The following PHF24 variants were observed in gnomAD, a reference collection of about 807,000 sequenced individuals.
PHF24 encodes Galpha inhibitory interacting protein.
In PHF24, 25 loss-of-function variants were observed where a neutral mutation model predicts 42.6. The ratio of observed to expected loss-of-function variants is 0.59; its 90% CI spans 0.43 to 0.82. The LOEUF (loss-of-function observed/expected upper bound fraction) is 0.82. PHF24 is among the 40% of genes least tolerant of loss of function. PHF24 has a pLI of 0.00. For synonymous variants in PHF24, 185 were observed against 204.8 expected, an observed-to-expected ratio of 0.90 and a Z score of 0.83; for missense variants, 470 against 538.1, an observed-to-expected ratio of 0.87 and a Z score of 1.25.
At chr9:34,906,428 T>G in the PHF24 span, among the ~76,000 whole-genome samples, 1 of 152,162 alleles carries the variant, frequency 6.6e-6, no homozygotes, top group Admixed American at 6.6e-5. Flanking sequence ...GTTAAAGGTG[T>G]AAAGTTTTGT....
At chr9:34,671,807 TCATCCATC>T in the PHF24 span, among the ~76,000 whole-genome samples, 5,590 of 149,912 alleles carry the variant, frequency 0.037, 218 homozygotes, top group African/African-American at 0.11. Context: ...TTTTTCTGCC[TCATCCATC>T]CATCCATCCA....
At chr9:34,835,483 C>A in the PHF24 span, 1 of 1,471,880 alleles carries the variant, frequency 6.8e-7, no homozygotes. Flanking sequence ...GCAAGGCCAT[C>A]GGATGCATCC....
the PHF24 span, among the ~76,000 whole-genome samples, chr9:34,816,508 A>T: frequency 6.6e-6 from 1 of 152,184 alleles, no homozygotes; most frequent in Non-Finnish European, 1.5e-5. Flanking sequence ...GAAGCTAGGA[A>T]TTCCAAGATC....
At chr9:34,909,267 C>A in the PHF24 span, among the ~76,000 whole-genome samples, 1 of 152,178 alleles carries the variant, frequency 6.6e-6, no homozygotes, top group Non-Finnish European at 1.5e-5. Context: ...CCTGGCTCTT[C>A]CCTTATCTTA....
the PHF24 span, among the ~76,000 whole-genome samples, chr9:34,858,808 T>C: frequency 1.3e-5 from 2 of 152,258 alleles, no homozygotes; most frequent in Non-Finnish European, 2.9e-5. Context: ...GGATAGTTTC[T>C]ATTTATTTTC....
the PHF24 span, among the ~76,000 whole-genome samples, chr9:34,919,776 T>C: frequency 6.6e-6 from 1 of 151,224 alleles, no homozygotes; most frequent in Non-Finnish European, 1.5e-5. Context: ...TAATTTCTAG[T>C]TCTTACAAAT....
chr9:34,666,885 CT>C, the PHF24 span, among the ~76,000 whole-genome samples: 1 of 152,324 alleles, frequency 6.6e-6, no homozygotes, highest in Middle Eastern at 3.4e-3. Flanking sequence ...GCGGAGGTTG[CT>C]GTGAGCTGAG....
At chr9:34,781,598 A>G in the PHF24 span, among the ~76,000 whole-genome samples, 1 of 152,234 alleles carries the variant, frequency 6.6e-6, no homozygotes, top group Non-Finnish European at 1.5e-5. Flanking sequence ...AAAATGGCAC[A>G]TTTTATGTTA....
At chr9:34,695,022 A>G in the PHF24 span, among the ~76,000 whole-genome samples, 1 of 152,190 alleles carries the variant, frequency 6.6e-6, no homozygotes. Context: ...TTTGTATGCT[A>G]ATGAGATAAC....
the PHF24 span, among the ~76,000 whole-genome samples, chr9:34,809,485 C>T: frequency 6.6e-6 from 1 of 152,176 alleles, no homozygotes. The surrounding 1 kb of genome is among the most constrained non-coding windows in gnomAD (Gnocchi z 4.1). Context: ...ACACGACAGC[C>T]CAGCTTTCCT....
At chr9:34,814,763 G>A in the PHF24 span, among the ~76,000 whole-genome samples, 2 of 152,060 alleles carry the variant, frequency 1.3e-5, no homozygotes, top group Non-Finnish European at 2.9e-5. Flanking sequence ...GTTTTTTGAC[G>A]GAGTCCCACT....
chr9:34,767,492 G>A, the PHF24 span, among the ~76,000 whole-genome samples: 2 of 152,240 alleles, frequency 1.3e-5, no homozygotes, highest in African/African-American at 4.8e-5. Context: ...CTCCGTGCGC[G>A]TAGGACCCTC....
the PHF24 span, among the ~76,000 whole-genome samples, chr9:34,945,458 A>G: frequency 6.6e-6 from 1 of 152,212 alleles, no homozygotes; most frequent in South Asian, 2.1e-4. Context: ...TGAGACAGAA[A>G]GAAAGAAGGT....
the PHF24 span, among the ~76,000 whole-genome samples, chr9:34,814,963 A>C: frequency 9.9e-5 from 15 of 152,050 alleles, no homozygotes; most frequent in African/African-American, 3.6e-4. Context: ...CTAGTCTCGA[A>C]CTCCCGACCT....
the PHF24 span, among the ~76,000 whole-genome samples, chr9:34,839,095 G>A: frequency 6.6e-6 from 1 of 152,214 alleles, no homozygotes; most frequent in Admixed American, 6.5e-5. Context: ...TATCCAGTCT[G>A]TGTGGCCTCA....
the PHF24 span, chr9:34,833,961 G>GC: frequency 6.5e-7 from 1 of 1,544,380 alleles, no homozygotes; most frequent in Non-Finnish European, 8.8e-7. Context: ...AAGGCCAGAT[G>GC]CTTGTGCCGT....
At chr9:34,670,070 A>G in the PHF24 span, among the ~76,000 whole-genome samples, 1 of 152,202 alleles carries the variant, frequency 6.6e-6, no homozygotes, top group Non-Finnish European at 1.5e-5. Flanking sequence ...TGATGAACAC[A>G]TTGATGTCCC....
chr9:34,938,258 A>T, the PHF24 span, among the ~76,000 whole-genome samples: 2 of 152,234 alleles, frequency 1.3e-5, no homozygotes, highest in East Asian at 3.8e-4. Flanking sequence ...AGTGAGGGGA[A>T]GTTCAGCAAA....
At chr9:34,873,394 A>G in the PHF24 span, among the ~76,000 whole-genome samples, 1 of 152,134 alleles carries the variant, frequency 6.6e-6, no homozygotes, top group Admixed American at 6.5e-5. Context: ...AGGTGTAAGG[A>G]AGAGATCCAG....
Sources: gnomAD v4.1 joint callset for allele counts (sites outside exome capture counted in the v4.1 genomes callset) on GRCh38, gnomAD v4.1.1 for gene constraint, Gnocchi (gnomAD v3.1) non-coding constraint, MANE v1.5 for transcripts, NCBI Gene and HGNC (gene_info 2026-07-23, HGNC 2026-07-21) for gene names.